Variants in TAFA2 observed in about 807,000 individuals in gnomAD.
The protein encoded by TAFA2 is chemokine-like protein TAFA-2.
TAFA2 carries 7 observed loss-of-function variants against 18.8 expected under a neutral mutation model. That is an observed-to-expected ratio of 0.37 (90% CI 0.21 to 0.70). The LOEUF (loss-of-function observed/expected upper bound fraction) is 0.70, where lower values mean the gene tolerates loss of function less well. Among genes scored for constraint, TAFA2 ranks in the 30% least tolerant of loss-of-function variants. The probability of loss-of-function intolerance (pLI) is 0.53; values close to 1 mark genes in which losing one functional copy is unlikely to be tolerated. For missense variants in TAFA2, 122 were observed against 158.1 expected (o/e 0.77, Z 1.23); for synonymous variants, 60 against 54.2 (o/e 1.11, Z -0.47).
At chr12:61,738,739 G>T (rs1223597950) in intron 4 of TAFA2, among the ~76,000 whole-genome samples, 1 of 152,034 alleles carries the variant, frequency 6.6e-6, no homozygotes, top group Non-Finnish European at 1.5e-5. Flanking sequence ...ATTTAGTACA[G>T]TTCTATGGTT....
At chr12:62,030,395 C>A (rs1277370598) in intron 1 of TAFA2, among the ~76,000 whole-genome samples, 2 of 151,994 alleles carry the variant, frequency 1.3e-5, no homozygotes, top group African/African-American at 4.8e-5. Context: ...ATAGAATAAG[C>A]CACAAGAGAA....
At chr12:62,193,920 A>G (rs532001637), upstream of TAFA2, among the ~76,000 whole-genome samples, 24 of 152,356 alleles carry the variant, frequency 1.6e-4, no homozygotes, top group African/African-American at 5.8e-4. Flanking sequence ...AATAGCTGAG[A>G]CTAGTTGAAA....
chr12:62,167,024 G>A (rs909595583), intron 1 of TAFA2, among the ~76,000 whole-genome samples: 4 of 151,880 alleles, frequency 2.6e-5, no homozygotes, highest in African/African-American at 9.7e-5. Context: ...ACTTAGCGAT[G>A]TTTCCATATG....
rs150357472 is a variant in TAFA2, at chr12:61,809,862, C to A, written c.107-54838G>T. On this transcript the variant is annotated intron_variant, in intron 2 of 4. Transcript: ENST00000416284. ...TAACATCGAAAGGGAAATCTCAATA[C>A]CTCCATGCACAGTGATGTGTTTGAG... Among the ~76,000 whole-genome samples, 214 of 151,374 alleles carry A rather than the reference C, an allele frequency of 1.4e-3. 19 individuals are homozygous for A. The highest frequency in any genetic ancestry group is 5.1e-3 in the African/African-American group (207 of 40,704).
intron 1 of TAFA2, among the ~76,000 whole-genome samples, chr12:61,971,788 G>A (rs1445895204): frequency 9.9e-5 from 15 of 151,494 alleles, no homozygotes; most frequent in Admixed American, 9.9e-4. Context: ...CGAGTTAATG[G>A]GTGCAGCAAA....
At chr12:61,981,101 A>T (rs1879620003) in intron 1 of TAFA2, among the ~76,000 whole-genome samples, 1 of 152,132 alleles carries the variant, frequency 6.6e-6, no homozygotes. Flanking sequence ...TACTTGTACC[A>T]AAATAGATAT....
chr12:61,877,896 G>C (rs946204522), intron 1 of TAFA2, among the ~76,000 whole-genome samples: 9 of 112,380 alleles, frequency 8.0e-5, no homozygotes, highest in African/African-American at 3.2e-4. Flanking sequence ...TAAACAAATT[G>C]TGATTTTTAT....
intron 1 of TAFA2, among the ~76,000 whole-genome samples, chr12:62,108,104 A>G (rs1350000601): frequency 1.3e-5 from 2 of 152,100 alleles, no homozygotes. Context: ...TGTCATCTAC[A>G]TTAGATATTT....
At chr12:61,876,977 G>C (rs989181465) in intron 1 of TAFA2, among the ~76,000 whole-genome samples, 23 of 152,154 alleles carry the variant, frequency 1.5e-4, no homozygotes, top group African/African-American at 5.3e-4. Context: ...CCTTATATGT[G>C]TTTGATAGTT....
chr12:62,113,604 C>T (rs2136868702), intron 1 of TAFA2, among the ~76,000 whole-genome samples: 1 of 152,286 alleles, frequency 6.6e-6, no homozygotes, highest in Middle Eastern at 3.4e-3. Flanking sequence ...CTGCCCCTTC[C>T]CCCAGGTGCT....
chr12:61,816,628 C>T (rs1041788036), intron 2 of TAFA2, among the ~76,000 whole-genome samples: 1 of 151,302 alleles, frequency 6.6e-6, no homozygotes, highest in Non-Finnish European at 1.5e-5. Flanking sequence ...AACTAATTTA[C>T]ACTCCCACCA....
At chr12:62,060,691 C>G (rs1252443592) in intron 1 of TAFA2, among the ~76,000 whole-genome samples, 3 of 152,112 alleles carry the variant, frequency 2.0e-5, no homozygotes, top group Admixed American at 2.0e-4. Context: ...GGGTTACTGC[C>G]CCTGAAGACC....
At chr12:62,040,612 C>T (rs974211702) in intron 1 of TAFA2, among the ~76,000 whole-genome samples, 4 of 152,124 alleles carry the variant, frequency 2.6e-5, no homozygotes, top group Non-Finnish European at 5.9e-5. Flanking sequence ...TCGGGGAGAA[C>T]ATGGCTGTGC....
At chr12:61,997,187 GTGTGTATA>G (rs1325544281) in intron 1 of TAFA2, among the ~76,000 whole-genome samples, 1 of 151,264 alleles carries the variant, frequency 6.6e-6, no homozygotes, top group Non-Finnish European at 1.5e-5. Flanking sequence ...GTGTGTGTGT[GTGTGTATA>G]TATATATATA....
intron 2 of TAFA2, among the ~76,000 whole-genome samples, chr12:61,831,439 T>G (rs1872717046): frequency 6.6e-6 from 1 of 152,018 alleles, no homozygotes; most frequent in African/African-American, 2.4e-5. Context: ...TATATAAAAC[T>G]GATCAAATCA....
chr12:62,151,785 A>T (rs1365509112), intron 1 of TAFA2, among the ~76,000 whole-genome samples: 1 of 152,228 alleles, frequency 6.6e-6, no homozygotes, highest in African/African-American at 2.4e-5. Context: ...CTTCTAAGCC[A>T]TACATTAGAA....
intron 1 of TAFA2, among the ~76,000 whole-genome samples, chr12:62,245,830 T>G (rs1028758401): frequency 6.7e-6 from 1 of 149,698 alleles, no homozygotes; most frequent in East Asian, 1.9e-4. Context: ...GGTTTCTGTT[T>G]TCTATTTTAT....
intron 1 of TAFA2, among the ~76,000 whole-genome samples, chr12:62,032,618 T>C (rs755559872): frequency 6.6e-6 from 1 of 152,152 alleles, no homozygotes; most frequent in Admixed American, 6.5e-5. Flanking sequence ...TTAAGTTCCA[T>C]AGGAATACAT....
chr12:61,731,599 G>GA (rs1870453623), intron 4 of TAFA2, among the ~76,000 whole-genome samples: 1 of 130,016 alleles, frequency 7.7e-6, no homozygotes, highest in African/African-American at 3.0e-5. Context: ...GATCATAATT[G>GA]TTGCATCAGT....
Sources: gnomAD v4.1 joint callset for allele counts (sites outside exome capture counted in the v4.1 genomes callset) on GRCh38, gnomAD v4.1.1 for gene constraint, MANE v1.5 for transcripts, NCBI Gene and HGNC (gene_info 2026-07-23, HGNC 2026-07-21) for gene names.